C12orf54: variants seen among roughly 807,000 people sequenced by gnomAD.
C12orf54 encodes chromosome 12 open reading frame 54, also known as uncharacterized protein C12orf54.
In C12orf54, 24 loss-of-function variants were observed where a neutral mutation model predicts 26.4. The observed-to-expected ratio is 0.91, with a 90% CI of 0.66 to 1.28. The LOEUF is 1.28. Among genes scored for constraint, C12orf54 ranks in the 50% most tolerant of loss-of-function variants. The pLI is 0.00. For synonymous variants in C12orf54, 54 were observed against 47.0 expected (o/e 1.15, Z -0.61); for missense variants, 154 against 150.9 (o/e 1.02, Z -0.11).
At chr12:48,419,265 G>A in the C12orf54 span, among the ~76,000 whole-genome samples, 2 of 152,260 alleles carry the variant, frequency 1.3e-5, no homozygotes, top group South Asian at 4.1e-4. Flanking sequence ...AGACATAGTT[G>A]GGATTAGGTC....
At chr12:48,467,053 T>C in the C12orf54 span, among the ~76,000 whole-genome samples, 3 of 151,976 alleles carry the variant, frequency 2.0e-5, no homozygotes, top group East Asian at 3.9e-4. Flanking sequence ...TTTGGGAAAA[T>C]GGTCTTTGCA....
At chr12:48,425,859 T>C in the C12orf54 span, among the ~76,000 whole-genome samples, 2 of 152,226 alleles carry the variant, frequency 1.3e-5, no homozygotes, top group South Asian at 4.1e-4. Context: ...ATATACTTGC[T>C]GGCCACATAT....
chr12:48,439,501 A>G, the C12orf54 span, among the ~76,000 whole-genome samples: 1 of 152,240 alleles, frequency 6.6e-6, no homozygotes, highest in Non-Finnish European at 1.5e-5. Context: ...ACTAACCCAA[A>G]TGTCCAACAA....
chr12:48,440,265 T>C, the C12orf54 span, among the ~76,000 whole-genome samples: 1 of 151,686 alleles, frequency 6.6e-6, no homozygotes, highest in African/African-American at 2.4e-5. Context: ...GTAGTAAAGA[T>C]GGCAGAAAAA....
the C12orf54 span, among the ~76,000 whole-genome samples, chr12:48,476,362 A>G: frequency 1.3e-5 from 2 of 152,246 alleles, no homozygotes; most frequent in East Asian, 1.9e-4. Flanking sequence ...ACCAGCTAAC[A>G]TCATAATGAC....
the C12orf54 span, among the ~76,000 whole-genome samples, chr12:48,451,121 A>T: frequency 2.6e-5 from 4 of 152,192 alleles, no homozygotes; most frequent in African/African-American, 9.7e-5. Flanking sequence ...AGCACATCAA[A>T]AAGTTTATCT....
chr12:48,424,486 T>A, the C12orf54 span, among the ~76,000 whole-genome samples: 18 of 152,150 alleles, frequency 1.2e-4, no homozygotes, highest in African/African-American at 4.1e-4. Flanking sequence ...CATGAGAAAT[T>A]TTTAAGTAAA....
intron 7 of C12orf54, among the ~76,000 whole-genome samples, chr12:48,493,343 A>G (rs1035296450): frequency 2.6e-5 from 4 of 152,170 alleles, no homozygotes; most frequent in Admixed American, 2.6e-4. Context: ...ATAAAGAATC[A>G]AGGACGTAGG....
At chr12:48,472,933 T>C in the C12orf54 span, 1 of 1,614,112 alleles carries the variant, frequency 6.2e-7, no homozygotes, top group African/African-American at 1.3e-5. Context: ...TGTCCAAACC[T>C]CATACATCTA....
chr12:48,495,065 C>T, intron 8 of C12orf54, 86 bp downstream of exon 8: 1 of 1,020,310 alleles, frequency 9.8e-7, no homozygotes, highest in Non-Finnish European at 1.4e-6. Flanking sequence ...GCCCTCATCC[C>T]AACATGGCAG....
the C12orf54 span, among the ~76,000 whole-genome samples, chr12:48,470,136 A>C: frequency 6.6e-6 from 1 of 152,232 alleles, no homozygotes; most frequent in Non-Finnish European, 1.5e-5. Flanking sequence ...TACTACTCTG[A>C]ATAGTGCAGC....
chr12:48,421,499 TCCA>T, the C12orf54 span, among the ~76,000 whole-genome samples: 1 of 135,558 alleles, frequency 7.4e-6, no homozygotes, highest in Non-Finnish European at 1.6e-5. Flanking sequence ...ATCCAAACCA[TCCA>T]TATCATGTGC....
the C12orf54 span, among the ~76,000 whole-genome samples, chr12:48,439,754 G>A: frequency 6.6e-6 from 1 of 152,114 alleles, no homozygotes; most frequent in Non-Finnish European, 1.5e-5. Flanking sequence ...TTGTGGGGTG[G>A]TGGGAGTGGG....
At chr12:48,432,497 C>A in the C12orf54 span, among the ~76,000 whole-genome samples, 3 of 143,288 alleles carry the variant, frequency 2.1e-5, no homozygotes, top group African/African-American at 5.2e-5. Flanking sequence ...ACATGAGAAG[C>A]TTTCTCATTG....
the C12orf54 span, among the ~76,000 whole-genome samples, chr12:48,458,980 C>A: frequency 8.9e-6 from 1 of 112,320 alleles, no homozygotes; most frequent in Non-Finnish European, 1.8e-5. Context: ...CCTTTCCTAC[C>A]CATCAGCTCC....
At chr12:48,460,483 T>C in the C12orf54 span, among the ~76,000 whole-genome samples, 1 of 130,502 alleles carries the variant, frequency 7.7e-6, no homozygotes, top group Non-Finnish European at 1.7e-5. Flanking sequence ...GATGGAAATC[T>C]GGATCTACAC....
the C12orf54 span, among the ~76,000 whole-genome samples, chr12:48,447,271 C>T: frequency 6.8e-6 from 1 of 146,816 alleles, no homozygotes; most frequent in Non-Finnish European, 1.5e-5. Context: ...ATGATGACAC[C>T]GTGAGGAGGT....
At chr12:48,467,552 A>G in the C12orf54 span, among the ~76,000 whole-genome samples, 3 of 152,192 alleles carry the variant, frequency 2.0e-5, no homozygotes, top group African/African-American at 7.2e-5. Context: ...CACAATGTAT[A>G]ATTTTATTTA....
the C12orf54 span, among the ~76,000 whole-genome samples, chr12:48,433,455 T>TGG: frequency 4.4e-5 from 6 of 134,952 alleles, no homozygotes; most frequent in South Asian, 2.5e-4. Flanking sequence ...AGCTTTTTTT[T>TGG]GGGGGGGGGG....
Sources: allele counts gnomAD v4.1 joint callset (sites outside exome capture counted in the v4.1 genomes callset), GRCh38; gene constraint gnomAD v4.1.1; transcripts MANE v1.5; gene names NCBI Gene and HGNC (gene_info 2026-07-23, HGNC 2026-07-21).